KIF19: variants seen among roughly 807,000 people sequenced by gnomAD.
KIF19 encodes the protein kinesin family member 19.
Under a neutral mutation model 106.6 loss-of-function variants are expected in KIF19, and 98 were observed. The observed-to-expected ratio is 0.92, with a 90% CI of 0.78 to 1.09. The LOEUF (loss-of-function observed/expected upper bound fraction) is 1.09. Among genes scored for constraint, KIF19 ranks in the 50% least tolerant of loss-of-function variants. KIF19 has a pLI of 0.00. For synonymous variants in KIF19, 516 were observed against 584.2 expected (o/e 0.88, Z 1.68); for missense variants, 1,373 against 1,414.3 (o/e 0.97, Z 0.47).
In KIF19 at chr17:74,346,512, C is replaced by G. The variant is rs1287088185; in HGVS notation, c.912C>G (p.Thr304=). ...TCAACTATCGCGACAGCAAGCTCAC[C>G]CGGCTCCTGAAGGTACCAGCCACAG... ...KYINYRDSKL[T]RLLKDSLGGN... is the part of the protein sequence containing the mutation. The change falls in exon 8 of 20, where the codon ACC becomes ACG. Residue 304 remains threonine, a synonymous_variant. Coordinates refer to ENST00000389916, the MANE Select transcript of KIF19 (RefSeq NM_153209.4). The surrounding 1 kb of genome is among the most constrained non-coding windows in gnomAD (Gnocchi z 4.6). 2 of 1,551,028 alleles carry G rather than the reference C, an allele frequency of 1.3e-6. No individual in the cohort carries two copies. The highest frequency in any genetic ancestry group is 2.4e-5 in the East Asian group (1 of 40,922).
At chr17:74,340,555 G>GCACACACGCACACACACACA in intron 2 of KIF19, among the ~76,000 whole-genome samples, 5 of 148,306 alleles carry the variant, frequency 3.4e-5, no homozygotes, top group African/African-American at 1.3e-4. Flanking sequence ...ATGCGCGCGC[G>GCACACACGCACACACACACA]TACACACACA....
At chr17:74,352,694 C>T in intron 14 of KIF19, 127 bp from the exon 15 acceptor site, 1 of 1,194,308 alleles carries the variant, frequency 8.4e-7, no homozygotes, top group Non-Finnish European at 1.2e-6. Context: ...AAACACAAGC[C>T]CACTGCCCTT....
In KIF19 at chr17:74,351,967, T is replaced by C; in HGVS notation, c.1688T>C (p.Leu563Pro). 6.6e-7 allele frequency: 1 copy of C among 1,522,190 alleles called. No individual in the cohort carries two copies. Among genetic ancestry groups the C allele is most frequent in the East Asian group, 2.6e-5 (1 of 39,026 alleles). 94.3% of individuals were successfully genotyped at this position (1,522,190 alleles called of 1,614,324 possible). A position where few individuals can be genotyped will look rare whatever the true frequency, so the allele number is the denominator to read the frequency against. ...RIGSEEQREV[L>P]SLLCRVHELE... The stretch of plus-strand genomic sequence containing the variant: ...GGCTCCGAGGAGCAGCGCGAGGTGC[T>C]CAGCCTGCTGTGCCGCGTGCACGAG... The change falls in exon 13 of 20, where the codon CTC becomes CCC. Residue 563 changes from leucine (L) to proline (P), a missense_variant. By Grantham distance (98) the Leu-to-Pro change is moderately conservative. Coordinates refer to ENST00000389916, the MANE Select transcript of KIF19 (RefSeq NM_153209.4).
intron 2 of KIF19, among the ~76,000 whole-genome samples, chr17:74,330,508 C>T (rs2054047853): frequency 6.6e-6 from 1 of 152,220 alleles, no homozygotes; most frequent in Non-Finnish European, 1.5e-5. Flanking sequence ...CAAAGCCACT[C>T]TGTTTGTCCA....
At chr17:74,330,999 A>G (rs1025189699) in intron 2 of KIF19, among the ~76,000 whole-genome samples, 6 of 152,214 alleles carry the variant, frequency 3.9e-5, no homozygotes. Context: ...AGGAGCAGCC[A>G]TAACTGCCAG....
chr17:74,341,950 C>A lies in KIF19; in HGVS notation c.195C>A (p.Tyr65Ter), dbSNP rs1315353957. 4 of 1,613,586 alleles carry A rather than the reference C, an allele frequency of 2.5e-6. No homozygotes were observed. Among genetic ancestry groups the A allele is most frequent in the Admixed American group, 3.3e-5 (2 of 60,020 alleles). The change falls in exon 3 of 20, where the codon TAC (tyrosine) becomes TAA (stop). Residue 65 changes from tyrosine (Y) to a stop codon, truncating the protein, a stop_gained. Coordinates refer to ENST00000389916, the MANE Select transcript of KIF19 (RefSeq NM_153209.4). LOFTEE classifies it high-confidence loss of function. ...CGCATCGCTCCCGGGAGAAGTCCTA[C>A]CTGTTCGACGTGGCCTTTGACTTCA... Reference protein sequence around the residue: ...LRAHRSREKSYLFDVAFDFTA... With the variant: ...LRAHRSREKS
At position 74,350,667 on chromosome 17, in the gene KIF19, T is replaced by C. The variant is rs761295926; in HGVS notation, c.1389-40T>C. ...GGCTGTACAGTGTGCCCTGCCCCCA[T>C]GGCCTGAATGCCCTGTCTCTCTGGG... On this transcript the variant is annotated intron_variant, in intron 11 of 19. Transcript: ENST00000389916. The C allele has an allele frequency of 4.3e-6, 7 of 1,612,178 alleles. No individual in the cohort carries two copies. The South Asian group carries it at 4.4e-5, about 10-fold the overall frequency.
At chr17:74,338,944 A>G (rs1004859845) in intron 2 of KIF19, among the ~76,000 whole-genome samples, 2 of 151,560 alleles carry the variant, frequency 1.3e-5, no homozygotes, top group East Asian at 1.9e-4. Flanking sequence ...TGGGACTGTC[A>G]CCAGCCCTGG....
At chr17:74,353,787 G>C (rs1245336911) in intron 17 of KIF19, among the ~76,000 whole-genome samples, 1 of 152,226 alleles carries the variant, frequency 6.6e-6, no homozygotes, top group Non-Finnish European at 1.5e-5. Flanking sequence ...GACATTTAGA[G>C]AGATGGGGGC....
At chr17:74,337,054 G>A (rs999570704) in intron 2 of KIF19, among the ~76,000 whole-genome samples, 1 of 151,924 alleles carries the variant, frequency 6.6e-6, no homozygotes, top group African/African-American at 2.4e-5. Context: ...GGCTGGTCTC[G>A]AACTCCTGAC....
intron 9 of KIF19, among the ~76,000 whole-genome samples, chr17:74,348,147 C>G (rs1361049750): frequency 2.0e-5 from 3 of 152,260 alleles, no homozygotes; most frequent in Non-Finnish European, 4.4e-5. Flanking sequence ...CTGCCTCATC[C>G]CCTCTTCTCT....
At chr17:74,334,448 T>G (rs1325656720) in intron 2 of KIF19, among the ~76,000 whole-genome samples, 1 of 152,092 alleles carries the variant, frequency 6.6e-6, no homozygotes, top group Non-Finnish European at 1.5e-5. Context: ...ACAGCCCTAG[T>G]ATATTCTTGG....
intron 8 of KIF19, among the ~76,000 whole-genome samples, chr17:74,347,418 T>C (rs1418367491): frequency 1.3e-5 from 2 of 151,648 alleles, no homozygotes; most frequent in African/African-American, 4.9e-5. Context: ...ACGCCTATAG[T>C]CCCAGCTACT....
intron 12 of KIF19, chr17:74,351,328 CAAA>C (rs66627748): frequency 0.027 from 2,155 of 79,324 alleles, 77 homozygotes; most frequent in African/African-American, 0.088. Context: ...ACTAAAAATA[CAAA>C]AAAAAAAAAA....
At chr17:74,327,663 G>A (rs2053949931) in intron 1 of KIF19, among the ~76,000 whole-genome samples, 1 of 152,174 alleles carries the variant, frequency 6.6e-6, no homozygotes, top group Admixed American at 6.6e-5. Flanking sequence ...AGTAGAGACG[G>A]TGTTTCGCCG....
rs760430870 is a variant in KIF19, at chr17:74,342,493, A to AC, written c.232-131dup. 4.2e-4 allele frequency: 253 copies of AC among 601,394 alleles called. 2 individuals are homozygous for AC. In the East Asian group the frequency reaches 7.4e-3, roughly 18 times the overall value. The allele number at this position is 601,394 out of a possible 1,614,324, so 37.3% of individuals were successfully genotyped here. The stretch of plus-strand genomic sequence containing the variant: ...TGTAAGCAGAGACATCCCCTCCCCC[A>AC]CCCCCCACCCCCACTTATCTTGGGG... On this transcript the variant is annotated intron_variant, in intron 3 of 19. Transcript: ENST00000389916.
chr17:74,331,115 C>T lies in KIF19; in HGVS notation c.120+2610C>T, dbSNP rs773939684. 6.6e-6 allele frequency among the ~76,000 whole-genome samples: 1 copy of T among 152,140 alleles called. No individual in the cohort carries two copies. Among genetic ancestry groups the T allele is most frequent in the South Asian group, 2.1e-4 (1 of 4,832 alleles). ...GGAAGCAAAATGCACATGGACCCCC[C>T]CTTACCCTTGTCCCCGACCTGACCA... On this transcript the variant is annotated intron_variant, in intron 2 of 19. Coordinates refer to ENST00000389916, the MANE Select transcript of KIF19 (RefSeq NM_153209.4). The surrounding 1 kb of genome is among the most constrained non-coding windows in gnomAD (Gnocchi z 4.1).
At position 74,346,275 on chromosome 17, in the gene KIF19, T is replaced by G. The variant is rs765057302; in HGVS notation, c.778-103T>G. ...GGACGGCCACAAGGTCCTTGGGGGTTTATTACCCAGGATCACCAGGTCATT... is the reference window on the plus strand; with the variant it reads ...GGACGGCCACAAGGTCCTTGGGGGTGTATTACCCAGGATCACCAGGTCATT... On this transcript the variant is annotated intron_variant, in intron 7 of 19. Coordinates refer to ENST00000389916, the MANE Select transcript of KIF19 (RefSeq NM_153209.4). The surrounding 1 kb of genome is among the most constrained non-coding windows in gnomAD (Gnocchi z 4.6). The G allele has an allele frequency of 2.7e-5, 36 of 1,342,480 alleles. No homozygotes were observed. The highest frequency in any genetic ancestry group is 3.5e-5 in the Non-Finnish European group (34 of 983,298). The allele number at this position is 1,342,480 out of a possible 1,614,324, so 83.2% of individuals were successfully genotyped here.
rs1218341682 is a variant in KIF19 at position 74,331,498 on chromosome 17, G to T, written c.120+2993G>T. Among the ~76,000 whole-genome samples, 1 of 152,134 alleles carries T rather than the reference G, an allele frequency of 6.6e-6. No individual in the cohort carries two copies. The highest frequency in any genetic ancestry group is 1.5e-5 in the Non-Finnish European group (1 of 68,022). ...GTGGCAACGAGGCTTGGCAGAAGGGGACATTCCCACAGGCGGAGAGTCCTC... is the reference window on the plus strand; with the variant it reads ...GTGGCAACGAGGCTTGGCAGAAGGGTACATTCCCACAGGCGGAGAGTCCTC... On this transcript the variant is annotated intron_variant, in intron 2 of 19. Coordinates refer to ENST00000389916, the MANE Select transcript of KIF19 (RefSeq NM_153209.4). The surrounding 1 kb of genome is among the most constrained non-coding windows in gnomAD (Gnocchi z 4.1).
Sources: allele counts gnomAD v4.1 joint callset (sites outside exome capture counted in the v4.1 genomes callset), GRCh38; gene constraint gnomAD v4.1.1; non-coding constraint Gnocchi (gnomAD v3.1); transcripts MANE v1.5; gene names NCBI Gene and HGNC (gene_info 2026-07-23, HGNC 2026-07-21).